The following NEO1 variants were observed in gnomAD, a reference collection of about 807,000 sequenced individuals.
NEO1 encodes neogenin 1.
Under a neutral mutation model 159.7 loss-of-function variants are expected in NEO1, and 63 were observed. That is an observed-to-expected ratio of 0.39 (90% CI 0.32 to 0.49). NEO1 has a LOEUF of 0.49. Among genes scored for constraint, NEO1 ranks in the 20% least tolerant of loss-of-function variants. NEO1 has a pLI of 0.85. For synonymous variants in NEO1, 633 were observed against 662.0 expected (o/e 0.96, Z 0.67); for missense variants, 1,615 against 1,831.0 (o/e 0.88, Z 2.15).
intron 5 of NEO1, among the ~76,000 whole-genome samples, chr15:73,140,760 G>T (rs1329285366): frequency 6.6e-6 from 1 of 152,094 alleles, no homozygotes; most frequent in Non-Finnish European, 1.5e-5. Context: ...TATCAGCAAT[G>T]AATATTGACA....
At chr15:73,270,543 A>G in intron 18 of NEO1, 89 bp downstream of exon 18, 1 of 1,372,334 alleles carries the variant, frequency 7.3e-7, no homozygotes, top group East Asian at 2.4e-5. Flanking sequence ...TACAAAACAC[A>G]GTGAGCAACT....
chr15:73,208,539 C>G (rs1391900682), intron 7 of NEO1, among the ~76,000 whole-genome samples: 1 of 151,926 alleles, frequency 6.6e-6, no homozygotes, highest in African/African-American at 2.4e-5. Context: ...TCTTTTTTAC[C>G]TATACTTTGA....
chr15:73,184,272 C>T (rs962522676), intron 7 of NEO1, among the ~76,000 whole-genome samples: 6 of 152,216 alleles, frequency 3.9e-5, no homozygotes, highest in Non-Finnish European at 5.9e-5. Context: ...TCTCCTGCCT[C>T]AGCCTCCCGA....
At chr15:73,293,241 G>A in intron 25 of NEO1, 149 bp from the exon 26 acceptor site, 1 of 762,394 alleles carries the variant, frequency 1.3e-6, no homozygotes, top group Non-Finnish European at 2.2e-6. Context: ...ATGGCTAATT[G>A]ACCAGATCTA....
At chr15:73,231,096 CAAT>C (rs1220568149) in intron 7 of NEO1, among the ~76,000 whole-genome samples, 1 of 151,934 alleles carries the variant, frequency 6.6e-6, no homozygotes, top group Non-Finnish European at 1.5e-5. Context: ...TAACATAATT[CAAT>C]AATAATTGCA....
chr15:73,139,094 T>G (rs1305886929), intron 5 of NEO1, among the ~76,000 whole-genome samples: 2 of 152,128 alleles, frequency 1.3e-5, no homozygotes, highest in Admixed American at 6.5e-5. Flanking sequence ...AAAAACTGGA[T>G]AGCCACATGT....
Position 73,298,331 on chromosome 15 carries a change from A to C in NEO1, c.3902-17A>C. 6.2e-7 allele frequency: 1 copy of C among 1,612,722 alleles called. No homozygotes were observed. Among genetic ancestry groups the C allele is most frequent in the Non-Finnish European group, 8.5e-7 (1 of 1,178,758 alleles). The stretch of plus-strand genomic sequence containing the variant: ...AATGGCAAAAGAAATGCTAACATTT[A>C]GACTTTCCTGCTGTAGAATCCGTTC... On this transcript the variant is annotated splice_polypyrimidine_tract_variant and intron_variant, in intron 26 of 28. Transcript: ENST00000261908.
At chr15:73,224,703 C>T (rs1198640706) in intron 7 of NEO1, among the ~76,000 whole-genome samples, 1 of 152,082 alleles carries the variant, frequency 6.6e-6, no homozygotes, top group African/African-American at 2.4e-5. Context: ...TTTCTCTCTT[C>T]ACTTCTTGTA....
At chr15:73,170,929 C>T (rs1300370632) in intron 5 of NEO1, among the ~76,000 whole-genome samples, 2 of 149,920 alleles carry the variant, frequency 1.3e-5, no homozygotes, top group Admixed American at 6.7e-5. Flanking sequence ...TTAACATCAC[C>T]AAAAGAGAGA....
intron 7 of NEO1, among the ~76,000 whole-genome samples, chr15:73,229,897 C>T (rs1052070982): frequency 6.6e-6 from 1 of 152,034 alleles, no homozygotes; most frequent in Non-Finnish European, 1.5e-5. Context: ...TTGGTCATGG[C>T]ATATAATTTT....
intron 1 of NEO1, among the ~76,000 whole-genome samples, chr15:73,111,459 G>A (rs2070986038): frequency 6.6e-6 from 1 of 152,050 alleles, no homozygotes; most frequent in Non-Finnish European, 1.5e-5. Flanking sequence ...AATACCAAAG[G>A]TGAAAGAAAA....
At chr15:73,075,924 C>G (rs1319848354) in intron 1 of NEO1, among the ~76,000 whole-genome samples, 4 of 152,090 alleles carry the variant, frequency 2.6e-5, no homozygotes, top group East Asian at 3.9e-4. Flanking sequence ...ATGCCACATT[C>G]TTTTGTAAGT....
rs1449063148 is a variant in NEO1 at position 73,052,763 on chromosome 15, G to A, written c.88G>A (p.Gly30Ser). The A allele has an allele frequency of 3.2e-6, 4 of 1,261,868 alleles. No individual in the cohort carries two copies. Among genetic ancestry groups the A allele is most frequent in the Non-Finnish European group, 4.0e-6 (4 of 997,352 alleles). 78.2% of individuals were successfully genotyped at this position (1,261,868 alleles called of 1,614,324 possible). Reference sequence around the variant, plus strand: ...GCTGCTGCTCGGGCGCCGGGCGCCGGGCGCCGCGGCCGCCAGGAGCGGCTC... The same window carrying A: ...GCTGCTGCTCGGGCGCCGGGCGCCGAGCGCCGCGGCCGCCAGGAGCGGCTC... ...CLLLLGRRAPGAAAARSGSAP... is the reference protein window; with the variant it reads ...CLLLLGRRAPSAAAARSGSAP... The change falls in exon 1 of 29, where the codon GGC (glycine) becomes AGC (serine). Residue 30 changes from glycine to serine, a missense_variant. By Grantham distance (56) the Gly-to-Ser change is moderately conservative. Coordinates refer to ENST00000261908, the MANE Select transcript of NEO1 (RefSeq NM_002499.4).
intron 7 of NEO1, among the ~76,000 whole-genome samples, chr15:73,210,052 A>C (rs150493773): frequency 6.6e-6 from 1 of 152,302 alleles, no homozygotes; most frequent in African/African-American, 2.4e-5. Context: ...TATTGTGATG[A>C]CATTGCCATA....
chr15:73,269,018 G>A (rs1207723079), intron 16 of NEO1, among the ~76,000 whole-genome samples: 1 of 152,132 alleles, frequency 6.6e-6, no homozygotes, highest in African/African-American at 2.4e-5. Context: ...AGTCCAGCAT[G>A]GTGTCAGCTT....
rs1439560286 is a variant in NEO1 at position 73,135,915 on chromosome 15, A to T, written c.903A>T (p.Ala301=). ...TESSERLVLL[A]GGSLEISDVT... ...GCTCTGAAAGATTGGTATTGCTGGC[A>T]GGTGGTAGCCTGGAGATCAGTGATG... The change falls in exon 5 of 29, where the codon GCA becomes GCT. Residue 301 remains alanine (A), a synonymous_variant. Transcript: ENST00000261908. The T allele has an allele frequency of 6.3e-7, 1 of 1,578,946 alleles. No homozygotes were observed. The highest frequency in any genetic ancestry group is 8.6e-7 in the Non-Finnish European group (1 of 1,166,024).
chr15:73,299,620 C>T (rs2042531410), intron 27 of NEO1, among the ~76,000 whole-genome samples: 1 of 152,172 alleles, frequency 6.6e-6, no homozygotes, highest in Non-Finnish European at 1.5e-5. Context: ...CTCCTGACCT[C>T]GTGATCCGCC....
At chr15:73,150,937 C>T (rs963670216) in intron 5 of NEO1, among the ~76,000 whole-genome samples, 11 of 152,154 alleles carry the variant, frequency 7.2e-5, no homozygotes, top group South Asian at 2.1e-4. Context: ...CAAAGCATAA[C>T]GTATTTGAGG....
intron 6 of NEO1, 150 bp downstream of exon 6, chr15:73,176,707 C>T (rs2035297011): frequency 1.8e-6 from 1 of 562,012 alleles, no homozygotes; most frequent in African/African-American, 1.9e-5. Flanking sequence ...CCTTCATTGG[C>T]TGATGAGAAA....
Sources: allele counts gnomAD v4.1 joint callset (sites outside exome capture counted in the v4.1 genomes callset), GRCh38; gene constraint gnomAD v4.1.1; transcripts MANE v1.5; gene names NCBI Gene and HGNC (gene_info 2026-07-23, HGNC 2026-07-21).